Variants in GRM4 observed in about 807,000 individuals in gnomAD.
GRM4 encodes the protein glutamate metabotropic receptor 4.
GRM4 carries 28 observed loss-of-function variants against 81.7 expected under a neutral mutation model. The ratio of observed to expected loss-of-function variants is 0.34; its 90% CI spans 0.25 to 0.47. GRM4 has a LOEUF of 0.47. GRM4 is among the 20% of genes least tolerant of loss of function. The pLI is 1.00. For synonymous variants in GRM4, 488 were observed against 528.8 expected (o/e 0.92, Z 1.06); for missense variants, 948 against 1,290.0 (o/e 0.73, Z 4.06).
At chr6:34,113,226 A>C in intron 2 of GRM4, among the ~76,000 whole-genome samples, 1 of 151,524 alleles carries the variant, frequency 6.6e-6, no homozygotes, top group African/African-American at 2.4e-5. Flanking sequence ...ATGACAGCTC[A>C]CTACAGCCTC....
chr6:34,124,051 G>A (rs912358220), intron 2 of GRM4, among the ~76,000 whole-genome samples: 4 of 152,182 alleles, frequency 2.6e-5, no homozygotes. Context: ...GGCTGCTCAG[G>A]GACCATCTGC....
intron 2 of GRM4, among the ~76,000 whole-genome samples, chr6:34,113,598 C>T (rs560376044): frequency 5.1e-4 from 77 of 151,540 alleles, no homozygotes; most frequent in African/African-American, 8.7e-4. Flanking sequence ...GGGTGGGACT[C>T]GGAGGGAGGA....
chr6:34,135,210 C>T (rs551582284), intron 1 of GRM4, among the ~76,000 whole-genome samples: 1 of 152,310 alleles, frequency 6.6e-6, no homozygotes, highest in African/African-American at 2.4e-5. Context: ...GTCATTCCCC[C>T]TACAGAATCC....
rs1420687935 is a variant in GRM4 at position 34,048,100 on chromosome 6, T to G, written c.1169-7352A>C. Among the ~76,000 whole-genome samples the G allele has an allele frequency of 1.3e-5, 2 of 152,022 alleles. No individual in the cohort carries two copies. The highest frequency in any genetic ancestry group is 2.4e-5 in the African/African-American group (1 of 41,382). ...GGCCATCAACATGAGAATGCAGACT[T>G]TAAGAATCCTCACGGCACTCCTGTG... On this transcript the variant is annotated intron_variant, in intron 6 of 10. Coordinates refer to ENST00000538487, the MANE Select transcript of GRM4 (RefSeq NM_000841.4). This position sits in a 1 kb window ranked among gnomAD's most constrained non-coding sequence, Gnocchi z 4.0.
chr6:34,085,462 G>T (rs1767835142), intron 3 of GRM4, among the ~76,000 whole-genome samples: 1 of 152,156 alleles, frequency 6.6e-6, no homozygotes. Context: ...CAGCCAGGGA[G>T]CTCAGTAGGG....
chr6:34,154,943 G>A, intron 1 of GRM4: 6 of 631,978 alleles, frequency 9.5e-6, no homozygotes, highest in Middle Eastern at 4.5e-4. Context: ...GTGGCCGAAC[G>A]CCCTCATTGC....
intron 10 of GRM4, among the ~76,000 whole-genome samples, chr6:34,026,442 A>G (rs1764136664): frequency 6.6e-6 from 1 of 151,968 alleles, no homozygotes; most frequent in Non-Finnish European, 1.5e-5. Flanking sequence ...TTCAGAGGGG[A>G]GGATGCCAAG....
intron 6 of GRM4, among the ~76,000 whole-genome samples, chr6:34,053,652 G>A (rs1320969571): frequency 6.6e-6 from 1 of 152,198 alleles, no homozygotes; most frequent in Non-Finnish European, 1.5e-5. Flanking sequence ...GATTTAGGAG[G>A]GGCGTCACCC....
chr6:34,147,544 G>C (rs1002893804), upstream of GRM4, among the ~76,000 whole-genome samples: 2 of 152,338 alleles, frequency 1.3e-5, no homozygotes, highest in Non-Finnish European at 2.9e-5. Flanking sequence ...TTTCCTATCT[G>C]TAGAACAAGG....
intron 2 of GRM4, among the ~76,000 whole-genome samples, chr6:34,127,157 A>G (rs1770054734): frequency 6.6e-6 from 1 of 152,200 alleles, no homozygotes. Context: ...GGAACTCAAT[A>G]GCAAAAAGGA....
intron 2 of GRM4, among the ~76,000 whole-genome samples, chr6:34,126,563 G>A (rs929035383): frequency 6.6e-6 from 1 of 152,154 alleles, no homozygotes; most frequent in African/African-American, 2.4e-5. Context: ...GTGTTTTGAG[G>A]GGAAGAAACA....
intron 6 of GRM4, chr6:34,056,305 G>A (rs1245470567): frequency 7.4e-6 from 4 of 543,702 alleles, no homozygotes; most frequent in South Asian, 6.6e-5. Flanking sequence ...ACCCCGAGGC[G>A]GCCAGAGGCC....
At chr6:34,049,907 C>A (rs1304838089) in intron 6 of GRM4, among the ~76,000 whole-genome samples, 1 of 152,200 alleles carries the variant, frequency 6.6e-6, no homozygotes, top group African/African-American at 2.4e-5. Context: ...TCTGCCCTCG[C>A]TCCCAGAGAG....
chr6:34,142,946 G>A (rs1183604715), intron 1 of GRM4, among the ~76,000 whole-genome samples: 1 of 152,154 alleles, frequency 6.6e-6, no homozygotes, highest in East Asian at 1.9e-4. Context: ...GCTACATGCT[G>A]CCACCCCCCC....
intron 6 of GRM4, among the ~76,000 whole-genome samples, chr6:34,044,875 CATAT>C (rs1165364353): frequency 6.7e-6 from 1 of 150,192 alleles, no homozygotes; most frequent in Non-Finnish European, 1.5e-5. Flanking sequence ...CATACATACA[CATAT>C]ATACAGACAT....
chr6:34,111,443 A>C lies in GRM4; in HGVS notation c.520-19344T>G, dbSNP rs1769380884. 6.6e-6 allele frequency among the ~76,000 whole-genome samples: 1 copy of C among 152,196 alleles called. No homozygotes were observed. Among genetic ancestry groups the C allele is most frequent in the African/African-American group, 2.4e-5 (1 of 41,444 alleles). ...ACACACATAGAGTCAGCACTGGTGGAGGCAGCATTAACAGTGTATTTTGGG... is the reference window on the plus strand; with the variant it reads ...ACACACATAGAGTCAGCACTGGTGGCGGCAGCATTAACAGTGTATTTTGGG... On this transcript the variant is annotated intron_variant, in intron 2 of 10. Transcript: ENST00000538487. The surrounding 1 kb of genome is among the most constrained non-coding windows in gnomAD (Gnocchi z 5.1).
chr6:34,122,784 G>C (rs2451337), intron 2 of GRM4, among the ~76,000 whole-genome samples: 78,918 of 151,420 alleles, frequency 0.52, 20,843 homozygotes, highest in Admixed American at 0.6. Flanking sequence ...CTGGAAGTAG[G>C]GGGGGAAGAC....
At chr6:34,128,658 G>A (rs144702502) in intron 2 of GRM4, among the ~76,000 whole-genome samples, 2,962 of 152,216 alleles carry the variant, frequency 0.019, 38 homozygotes, top group African/African-American at 0.039. Context: ...GATTACAGGC[G>A]TGAGCCACCA....
At chr6:34,101,900 G>A in intron 2 of GRM4, 1 of 844,848 alleles carries the variant, frequency 1.2e-6, no homozygotes, top group African/African-American at 1.7e-5. Flanking sequence ...GAGGCTGCCA[G>A]AGAGTGATCT....
Sources: allele counts gnomAD v4.1 joint callset (sites outside exome capture counted in the v4.1 genomes callset), GRCh38; gene constraint gnomAD v4.1.1; non-coding constraint Gnocchi (gnomAD v3.1); transcripts MANE v1.5; gene names NCBI Gene and HGNC (gene_info 2026-07-23, HGNC 2026-07-21).